The following SYT16 variants were observed in gnomAD, a reference collection of about 807,000 sequenced individuals.
SYT16 encodes synaptotagmin 16.
In SYT16, 42 loss-of-function variants were observed where a neutral mutation model predicts 61.4. That is an observed-to-expected ratio of 0.68 (90% CI 0.53 to 0.89). SYT16 has a LOEUF of 0.89. Ranked by LOEUF, SYT16 falls within the 40% of genes least tolerant of loss-of-function variation. SYT16 has a pLI of 0.00. For synonymous variants in SYT16, 314 were observed against 302.3 expected, an observed-to-expected ratio of 1.04 and a Z score of -0.40; for missense variants, 804 against 807.3, an observed-to-expected ratio of 1.00 and a Z score of 0.05.
At chr14:61,861,594 G>C (rs1042913909) in intron 1 of SYT16, among the ~76,000 whole-genome samples, 1 of 152,002 alleles carries the variant, frequency 6.6e-6, no homozygotes, top group Admixed American at 6.5e-5. Flanking sequence ...TTGTAGAAAG[G>C]GGGTTTTGGC....
At chr14:62,092,571 A>T (rs1413471691) in intron 7 of SYT16, among the ~76,000 whole-genome samples, 1 of 151,904 alleles carries the variant, frequency 6.6e-6, no homozygotes, top group East Asian at 1.9e-4. Flanking sequence ...ATTCTGACAT[A>T]TGCTGCAGTA....
At chr14:61,956,732 G>A (rs1026431488) in intron 1 of SYT16, among the ~76,000 whole-genome samples, 1 of 152,104 alleles carries the variant, frequency 6.6e-6, no homozygotes, top group African/African-American at 2.4e-5. Context: ...ACATCAGGGA[G>A]TGTGCTACCT....
At chr14:62,043,469 G>A (rs2054827443) in intron 3 of SYT16, among the ~76,000 whole-genome samples, 1 of 143,504 alleles carries the variant, frequency 7.0e-6, no homozygotes, top group Non-Finnish European at 1.5e-5. Flanking sequence ...GTGCAGTGGT[G>A]TGATCTCAGC....
intron 3 of SYT16, among the ~76,000 whole-genome samples, chr14:62,016,460 A>G (rs111238409): frequency 0.02 from 3,041 of 151,634 alleles, 54 homozygotes; most frequent in Middle Eastern, 0.041. Flanking sequence ...TTGGGAGGCC[A>G]AGGCGGGCAG....
At chr14:61,879,685 A>G (rs1161399566) in intron 1 of SYT16, among the ~76,000 whole-genome samples, 6 of 152,036 alleles carry the variant, frequency 3.9e-5, no homozygotes, top group Non-Finnish European at 5.9e-5. Flanking sequence ...CCACATTTTC[A>G]TTGTCTATGA....
At chr14:61,890,815 C>T (rs2048096917) in intron 1 of SYT16, among the ~76,000 whole-genome samples, 1 of 152,126 alleles carries the variant, frequency 6.6e-6, no homozygotes, top group South Asian at 2.1e-4. Context: ...GGCTGGCTTC[C>T]TGCATGTGGG....
chr14:61,973,779 C>T (rs1435216933), intron 2 of SYT16, among the ~76,000 whole-genome samples: 4 of 152,054 alleles, frequency 2.6e-5, no homozygotes, highest in Non-Finnish European at 4.4e-5. Flanking sequence ...GACATGAGGG[C>T]ATTTCCTCCC....
intron 7 of SYT16, among the ~76,000 whole-genome samples, chr14:62,089,559 T>A (rs190787388): frequency 1.3e-5 from 2 of 152,176 alleles, no homozygotes; most frequent in African/African-American, 4.8e-5. Context: ...ATAGGCTATT[T>A]GAAAATTACT....
intron 1 of SYT16, among the ~76,000 whole-genome samples, chr14:61,864,590 C>A (rs1418203430): frequency 6.6e-6 from 1 of 152,276 alleles, no homozygotes; most frequent in Non-Finnish European, 1.5e-5. Context: ...CTGCACAGGC[C>A]AAGGCCGCTT....
chr14:61,862,619 C>T (rs1483926792), intron 1 of SYT16, among the ~76,000 whole-genome samples: 2 of 152,180 alleles, frequency 1.3e-5, no homozygotes, highest in African/African-American at 2.4e-5. Flanking sequence ...GAGGAACCTA[C>T]CCTGGCATAT....
At position 62,110,775 on chromosome 14, in the gene SYT16, T is replaced by C. The variant is rs2057594745; in HGVS notation, c.*10068T>C. Reference sequence around the variant, plus strand: ...GACCTTTCTTTAGAACAACCTAACTTTGAGTACAGGCAAAGTATTAAATGG... The same window carrying C: ...GACCTTTCTTTAGAACAACCTAACTCTGAGTACAGGCAAAGTATTAAATGG... On this transcript the variant is annotated 3_prime_UTR_variant, in exon 8 of 8. Coordinates refer to ENST00000683842, the MANE Select transcript of SYT16 (RefSeq NM_001367656.1). The C allele has an allele frequency of 6.6e-6, 1 of 152,224 alleles. No homozygotes were observed. Among genetic ancestry groups the C allele is most frequent in the East Asian group, 1.9e-4 (1 of 5,188 alleles). 9.4% of individuals were successfully genotyped at this position (152,224 alleles called of 1,614,324 possible). A position where few individuals can be genotyped will look rare whatever the true frequency, so the allele number is the denominator to read the frequency against.
chr14:62,050,660 T>G (rs1211593510), intron 3 of SYT16, among the ~76,000 whole-genome samples: 2 of 152,206 alleles, frequency 1.3e-5, no homozygotes, highest in Non-Finnish European at 2.9e-5. Context: ...GGTGTGAATG[T>G]CCTTTCTGTT....
rs749196063 is a variant in SYT16, at chr14:62,100,823, C to A, written c.*116C>A. 4 of 1,054,370 alleles carry A rather than the reference C, an allele frequency of 3.8e-6. No individual in the cohort carries two copies. The highest frequency in any genetic ancestry group is 5.4e-6 in the Non-Finnish European group (4 of 747,492). The allele number at this position is 1,054,370 out of a possible 1,614,324, so 65.3% of individuals were successfully genotyped here. ...TTTCAAAAACAGATTCCACTAACCC[C>A]TAGGACATTGTGAGTGGGAGTTTTG... is the stretch of plus-strand genomic sequence containing the variant. On this transcript the variant is annotated 3_prime_UTR_variant, in exon 8 of 8. Coordinates refer to ENST00000683842, the MANE Select transcript of SYT16 (RefSeq NM_001367656.1).
chr14:61,831,902 G>A (rs1170353593), intron 1 of SYT16: 3 of 485,460 alleles, frequency 6.2e-6, no homozygotes, highest in East Asian at 4.3e-5. Context: ...CACTTGGCTG[G>A]CGAAGCCCTG....
Position 62,100,538 on chromosome 14 carries a change from C to T in SYT16, c.1769C>T (p.Thr590Met), listed in dbSNP as rs61748003. ...QVALFQLSDV[T>M]LMISVYNRRT... ...GCCCTCTTTCAGCTGTCTGATGTCACGTTGATGATTTCCGTTTATAACAGG... is the reference window on the plus strand; with the variant it reads ...GCCCTCTTTCAGCTGTCTGATGTCATGTTGATGATTTCCGTTTATAACAGG... Residue 590 changes from threonine to methionine, a missense_variant, in exon 8 of 8, where the codon ACG (threonine) becomes ATG (methionine). Thr to Met is a moderately conservative substitution (Grantham distance 81). Coordinates refer to ENST00000683842, the MANE Select transcript of SYT16 (RefSeq NM_001367656.1). 22 of 1,613,612 alleles carry T rather than the reference C, an allele frequency of 1.4e-5. No homozygotes were observed. Among genetic ancestry groups the T allele is most frequent in the African/African-American group, 2.7e-5 (2 of 74,882 alleles).
At chr14:61,847,745 A>G (rs2046486285) in intron 1 of SYT16, among the ~76,000 whole-genome samples, 1 of 151,890 alleles carries the variant, frequency 6.6e-6, no homozygotes, top group East Asian at 1.9e-4. Flanking sequence ...CTTGTTTTCT[A>G]TTATTTTTTC....
At chr14:62,051,142 T>C (rs1222599096) in intron 3 of SYT16, among the ~76,000 whole-genome samples, 2 of 152,338 alleles carry the variant, frequency 1.3e-5, no homozygotes, top group Non-Finnish European at 2.9e-5. Context: ...CCCGGCTGCT[T>C]TGTTTACCTA....
chr14:61,997,591 T>C (rs978722824), intron 3 of SYT16, among the ~76,000 whole-genome samples: 5 of 152,086 alleles, frequency 3.3e-5, no homozygotes, highest in African/African-American at 1.2e-4. Context: ...TAAGGTAACA[T>C]TGAAATGCTA....
At chr14:61,910,849 T>C (rs2048907978) in intron 1 of SYT16, among the ~76,000 whole-genome samples, 1 of 152,188 alleles carries the variant, frequency 6.6e-6, no homozygotes, top group Admixed American at 6.5e-5. Context: ...TTTAAATCTG[T>C]TCCAAAGCTT....
Sources: gnomAD v4.1 joint callset for allele counts (sites outside exome capture counted in the v4.1 genomes callset) on GRCh38, gnomAD v4.1.1 for gene constraint, MANE v1.5 for transcripts, NCBI Gene and HGNC (gene_info 2026-07-23, HGNC 2026-07-21) for gene names.